The following HSD17B4 variants were observed in gnomAD, a reference collection of about 807,000 sequenced individuals.
HSD17B4 encodes the protein hydroxysteroid 17-beta dehydrogenase 4.
A neutral mutation model predicts 101.0 loss-of-function variants in HSD17B4; 70 were observed. The ratio of observed to expected loss-of-function variants is 0.69; its 90% CI spans 0.57 to 0.85. The LOEUF (loss-of-function observed/expected upper bound fraction) is 0.85. Ranked by LOEUF, HSD17B4 falls within the 40% of genes least tolerant of loss-of-function variation. The probability of loss-of-function intolerance (pLI) is 0.00; values close to 1 mark genes in which losing one functional copy is unlikely to be tolerated. For missense variants in HSD17B4, 984 were observed against 892.4 expected (o/e 1.10, Z -1.31); for synonymous variants, 347 against 297.1 (o/e 1.17, Z -1.73).
intron 7 of HSD17B4, among the ~76,000 whole-genome samples, chr5:119,478,569 G>T (rs963185085): frequency 6.6e-6 from 1 of 152,050 alleles, no homozygotes; most frequent in African/African-American, 2.4e-5. Flanking sequence ...ATGTTACCAG[G>T]TTATTTTATG....
At chr5:119,527,071 C>A (rs1753666541) in intron 19 of HSD17B4, 62 bp from the exon 20 acceptor site, 2 of 952,548 alleles carry the variant, frequency 2.1e-6, no homozygotes, top group Non-Finnish European at 3.4e-6. Context: ...CCAATTTTTT[C>A]CTCCTACAAG....
intron 23 of HSD17B4, 75 bp downstream of exon 23, chr5:119,536,625 G>A: frequency 3.6e-6 from 5 of 1,393,072 alleles, no homozygotes; most frequent in Non-Finnish European, 5.1e-6. Flanking sequence ...TTAAGCTGAT[G>A]CCCAAATTCT....
intron 14 of HSD17B4, 69 bp downstream of exon 14, chr5:119,502,161 C>CA: frequency 9.7e-7 from 1 of 1,025,890 alleles, no homozygotes; most frequent in Non-Finnish European, 1.5e-6. Context: ...TAAACAACAT[C>CA]AGTGTGTTAA....
intron 8 of HSD17B4, among the ~76,000 whole-genome samples, chr5:119,482,184 T>A (rs1455745123): frequency 6.6e-6 from 1 of 152,184 alleles, no homozygotes; most frequent in African/African-American, 2.4e-5. Flanking sequence ...GATATTCTGT[T>A]CCATTTTTCT....
intron 22 of HSD17B4, among the ~76,000 whole-genome samples, chr5:119,532,961 A>G (rs1014952875): frequency 6.6e-6 from 1 of 152,166 alleles, no homozygotes; most frequent in African/African-American, 2.4e-5. Flanking sequence ...TTAGACAAGT[A>G]TAGAAGTAAT....
intron 14 of HSD17B4, among the ~76,000 whole-genome samples, chr5:119,504,045 T>G (rs1056685687): frequency 6.6e-6 from 1 of 152,214 alleles, no homozygotes; most frequent in South Asian, 2.1e-4. Flanking sequence ...GGTTTTTTGT[T>G]CCTGCATTAA....
intron 17 of HSD17B4, among the ~76,000 whole-genome samples, chr5:119,520,904 C>T (rs537572591): frequency 6.6e-6 from 1 of 152,018 alleles, no homozygotes; most frequent in Non-Finnish European, 1.5e-5. Context: ...TTTACTTTTT[C>T]CCCTCTTATT....
At chr5:119,478,295 C>G (rs562357711) in intron 7 of HSD17B4, among the ~76,000 whole-genome samples, 64 of 152,282 alleles carry the variant, frequency 4.2e-4, no homozygotes, top group Middle Eastern at 3.4e-3. Flanking sequence ...AGGATTCATA[C>G]ATACCTAATA....
chr5:119,494,320 C>CT lies in HSD17B4; in HGVS notation c.868+377dup, dbSNP rs879743158. Reference sequence around the variant, plus strand: ...TATTTTTCTCTTTCTTCCTTTCTTTCTTTCTTTTCTTTCTTTCTTTCTTTC... The same window carrying CT: ...TATTTTTCTCTTTCTTCCTTTCTTTCTTTTCTTTTCTTTCTTTCTTTCTTTC... On this transcript the variant is annotated intron_variant, in intron 11 of 23. Transcript: ENST00000510025. Among the ~76,000 whole-genome samples the CT allele has an allele frequency of 5.8e-3, 859 of 148,158 alleles. 1 individual carries two copies. The highest frequency in any genetic ancestry group is 9.9e-3 in the Non-Finnish European group (665 of 66,906).
At chr5:119,496,752 T>G in intron 12 of HSD17B4, 106 bp downstream of exon 12, 1 of 783,274 alleles carries the variant, frequency 1.3e-6, no homozygotes, top group Non-Finnish European at 2.4e-6. Flanking sequence ...TTCTTTTGGA[T>G]GCAGTTACTT....
At chr5:119,471,633 C>T in intron 2 of HSD17B4, 1 of 1,312,920 alleles carries the variant, frequency 7.6e-7, no homozygotes, top group Non-Finnish European at 1.0e-6. Flanking sequence ...TTTATTGTTA[C>T]AGCTTTCAAA....
chr5:119,473,467 T>A (rs1287416521), intron 2 of HSD17B4, among the ~76,000 whole-genome samples: 1 of 151,640 alleles, frequency 6.6e-6, no homozygotes, highest in Non-Finnish European at 1.5e-5. Flanking sequence ...TACAGATACA[T>A]GCCATAATGC....
intron 2 of HSD17B4, chr5:119,472,364 T>C (rs942717506): frequency 3.3e-5 from 5 of 152,238 alleles, no homozygotes; most frequent in Admixed American, 6.5e-5. Flanking sequence ...AGGTTTTAAG[T>C]GTACAATATA....
rs755294610 is a variant in HSD17B4, at chr5:119,514,932, A to G, written c.1438-49A>G. On this transcript the variant is annotated intron_variant, in intron 16 of 23. Transcript: ENST00000510025. The stretch of plus-strand genomic sequence containing the variant: ...TCAAATGTGAGTTTGGTTAAAGAGA[A>G]TAATGATAATTTGTATTTAAGATTT... 2.9e-6 allele frequency: 3 copies of G among 1,032,608 alleles called. No homozygotes were observed. The South Asian group carries it at 3.8e-5, about 13-fold the overall frequency. The allele number at this position is 1,032,608 out of a possible 1,614,324, so 64.0% of individuals were successfully genotyped here.
intron 8 of HSD17B4, among the ~76,000 whole-genome samples, chr5:119,479,756 G>C (rs1561446329): frequency 6.6e-6 from 1 of 152,204 alleles, no homozygotes; most frequent in East Asian, 1.9e-4. Context: ...GGAGATCTTG[G>C]TTGCTTCCAG....
intron 17 of HSD17B4, among the ~76,000 whole-genome samples, chr5:119,524,420 A>C (rs1242671651): frequency 2.6e-5 from 4 of 152,172 alleles, no homozygotes; most frequent in East Asian, 1.9e-4. Context: ...GGAAAACAGC[A>C]CAGCAATTAA....
At chr5:119,477,263 A>G (rs1452364616) in intron 6 of HSD17B4, among the ~76,000 whole-genome samples, 154 bp from the exon 7 acceptor site, 1 of 152,214 alleles carries the variant, frequency 6.6e-6, no homozygotes, top group Non-Finnish European at 1.5e-5. Context: ...TAACTGGAAT[A>G]AAGGCAAAAT....
At chr5:119,468,906 A>T (rs191004081) in intron 2 of HSD17B4, among the ~76,000 whole-genome samples, 1 of 147,874 alleles carries the variant, frequency 6.8e-6, no homozygotes, top group Admixed American at 6.7e-5. Context: ...GAAGCTTTCA[A>T]TTGTATTTTT....
At chr5:119,474,569 AC>A in intron 4 of HSD17B4, 109 bp downstream of exon 4, 1 of 771,470 alleles carries the variant, frequency 1.3e-6, no homozygotes, top group Non-Finnish European at 2.3e-6. Flanking sequence ...CCTCATAATC[AC>A]ATTTTAAAAT....
Sources: allele counts gnomAD v4.1 joint callset (sites outside exome capture counted in the v4.1 genomes callset), GRCh38; gene constraint gnomAD v4.1.1; transcripts MANE v1.5; gene names NCBI Gene and HGNC (gene_info 2026-07-23, HGNC 2026-07-21).